The following GMDS variants were observed in gnomAD, a reference collection of about 807,000 sequenced individuals.
The protein encoded by GMDS is GDP-mannose 4,6 dehydratase.
A neutral mutation model predicts 49.9 loss-of-function variants in GMDS; 20 were observed. That is an observed-to-expected ratio of 0.40 (90% CI 0.28 to 0.58). The LOEUF is 0.58. Among genes scored for constraint, GMDS ranks in the 20% least tolerant of loss-of-function variants. The pLI is 0.42. For missense variants in GMDS, 362 were observed against 481.4 expected, an observed-to-expected ratio of 0.75 and a Z score of 2.32; for synonymous variants, 177 against 178.6, an observed-to-expected ratio of 0.99 and a Z score of 0.07.
At chr6:2,108,150 C>A (rs909395683) in intron 4 of GMDS, among the ~76,000 whole-genome samples, 2 of 152,040 alleles carry the variant, frequency 1.3e-5, no homozygotes, top group Admixed American at 1.3e-4. Flanking sequence ...ATTTTCAGTG[C>A]TAAAGCAGAA....
intron 9 of GMDS, among the ~76,000 whole-genome samples, chr6:1,712,132 T>C (rs1037729019): frequency 1.9e-4 from 29 of 152,238 alleles, no homozygotes; most frequent in African/African-American, 5.8e-4. Flanking sequence ...TAGAAGATGC[T>C]GGAAAATTCA....
At chr6:1,950,730 G>C (rs1763296699) in intron 6 of GMDS, among the ~76,000 whole-genome samples, 1 of 152,214 alleles carries the variant, frequency 6.6e-6, no homozygotes, top group Admixed American at 6.5e-5. Flanking sequence ...CGAAAAATGA[G>C]ATGGCATTCA....
chr6:2,007,920 G>A (rs1371242495), intron 4 of GMDS, among the ~76,000 whole-genome samples: 1 of 152,124 alleles, frequency 6.6e-6, no homozygotes, highest in Admixed American at 6.5e-5. Flanking sequence ...TTTTTCTTGA[G>A]TATTTGGTTC....
At chr6:2,023,122 A>C (rs1383510427) in intron 4 of GMDS, among the ~76,000 whole-genome samples, 1 of 152,214 alleles carries the variant, frequency 6.6e-6, no homozygotes, top group East Asian at 1.9e-4. Flanking sequence ...TTTTTCAAAT[A>C]GCTGGCTTGA....
intron 9 of GMDS, among the ~76,000 whole-genome samples, chr6:1,631,737 C>A (rs1359783082): frequency 6.6e-6 from 1 of 152,090 alleles, no homozygotes; most frequent in Non-Finnish European, 1.5e-5. Context: ...CAAACATATA[C>A]CCACAGGCTC....
At chr6:2,236,732 T>G (rs530319643) in intron 1 of GMDS, among the ~76,000 whole-genome samples, 13 of 152,356 alleles carry the variant, frequency 8.5e-5, no homozygotes, top group Admixed American at 1.3e-4. Context: ...AGAAAAATCA[T>G]GTTTTGATTT....
intron 8 of GMDS, among the ~76,000 whole-genome samples, chr6:1,740,987 A>AT (rs1282709673): frequency 2.6e-5 from 4 of 152,212 alleles, no homozygotes; most frequent in African/African-American, 9.6e-5. Context: ...TTGAGACAAA[A>AT]TGTTCACAAA....
intron 9 of GMDS, among the ~76,000 whole-genome samples, chr6:1,632,712 AC>A (rs1763032608): frequency 6.6e-6 from 1 of 152,182 alleles, no homozygotes; most frequent in Non-Finnish European, 1.5e-5. Flanking sequence ...CCCTGTCTCT[AC>A]AAAAAACTTT....
intron 8 of GMDS, among the ~76,000 whole-genome samples, chr6:1,735,480 G>A (rs1442166246): frequency 1.3e-5 from 2 of 152,216 alleles, no homozygotes; most frequent in Admixed American, 6.5e-5. Context: ...TTGGTCAGAG[G>A]GAGGATGCCT....
At chr6:1,641,544 G>C (rs537085201) in intron 9 of GMDS, among the ~76,000 whole-genome samples, 1 of 152,252 alleles carries the variant, frequency 6.6e-6, no homozygotes, top group Non-Finnish European at 1.5e-5. Context: ...ATCTTTATCA[G>C]GTGACTCAGT....
At position 1,726,410 on chromosome 6, in the gene GMDS, C is replaced by A. The variant is rs1356350866; in HGVS notation, c.987+6G>T. 6.2e-7 allele frequency: 1 copy of A among 1,602,498 alleles called. No homozygotes were observed. The highest frequency in any genetic ancestry group is 8.6e-7 in the Non-Finnish European group (1 of 1,169,456). ...GCCACGCACTGGGTGGCCAGAGAGTCCTTACCACTTCAGTTGGCCGGTAGT... is the reference window on the plus strand; with the variant it reads ...GCCACGCACTGGGTGGCCAGAGAGTACTTACCACTTCAGTTGGCCGGTAGT... On this transcript the variant is annotated splice_donor_region_variant and intron_variant, in intron 9 of 10. Transcript: ENST00000380815.
At chr6:2,134,385 A>C (rs1775889052) in intron 1 of GMDS, among the ~76,000 whole-genome samples, 1 of 152,174 alleles carries the variant, frequency 6.6e-6, no homozygotes, top group Non-Finnish European at 1.5e-5. Context: ...TCAAGATTCC[A>C]CTGAAAAAGA....
intron 1 of GMDS, among the ~76,000 whole-genome samples, chr6:2,232,236 A>G (rs1464667035): frequency 6.6e-6 from 1 of 152,066 alleles, no homozygotes; most frequent in Non-Finnish European, 1.5e-5. Flanking sequence ...CCTAGCCACC[A>G]TATATCAATC....
intron 4 of GMDS, among the ~76,000 whole-genome samples, chr6:2,013,226 G>A (rs978366806): frequency 1.2e-4 from 19 of 152,182 alleles, no homozygotes; most frequent in African/African-American, 4.6e-4. Flanking sequence ...AGACAAGAGA[G>A]TGAAGAAACA....
rs34633662 is a variant in GMDS, at chr6:1,833,126, CTTTTT to C, written c.772-90545_772-90541del. Among the ~76,000 whole-genome samples, 1 of 123,394 alleles carries C rather than the reference CTTTTT, an allele frequency of 8.1e-6. No homozygotes were observed. The allele number at this position is 123,394 out of a possible 152,430, so 81.0% of individuals were successfully genotyped here. The stretch of plus-strand genomic sequence containing the variant: ...ACCCGGCAGTGGAGCGTATGAAAGC[CTTTTT>C]TTTTTTTTTTTTTTTTTTAAACTAA... On this transcript the variant is annotated intron_variant, in intron 7 of 10. Coordinates refer to ENST00000380815, the MANE Select transcript of GMDS (RefSeq NM_001500.4). The surrounding 1 kb of genome is among the most constrained non-coding windows in gnomAD (Gnocchi z 4.4).
rs1054167136 is a variant in GMDS at position 1,889,417 on chromosome 6, G to A, written c.771+40686C>T. Among the ~76,000 whole-genome samples the A allele has an allele frequency of 4.6e-5, 7 of 151,868 alleles. 1 individual carries two copies. Among genetic ancestry groups the A allele is most frequent in the South Asian group, 4.1e-4 (2 of 4,820 alleles). On this transcript the variant is annotated intron_variant, in intron 7 of 10. Transcript: ENST00000380815. ...CTTCTTGGTCCTTAAAAAAAGAGCC[G>A]TGCTCCCAGGTTCTGCATTCCAACA...
chr6:2,064,123 C>A (rs1051573371), intron 4 of GMDS, among the ~76,000 whole-genome samples: 9 of 152,118 alleles, frequency 5.9e-5, no homozygotes, highest in Non-Finnish European at 1.3e-4. Context: ...CCCAATAAAA[C>A]GGCTTTCAGA....
rs530773334 is a variant in GMDS, at chr6:1,736,360, GAGA to G, written c.890+6105_890+6107del. On this transcript the variant is annotated intron_variant, in intron 8 of 10. Coordinates refer to ENST00000380815, the MANE Select transcript of GMDS (RefSeq NM_001500.4). Reference sequence around the variant, plus strand: ...GAGAGGAAGAAAGCGAGAAGAAAAAGAGAAGAAGACCTCATTTAAATGGTAACT... The same window carrying G: ...GAGAGGAAGAAAGCGAGAAGAAAAAGAGAAGACCTCATTTAAATGGTAACT... 3.5e-3 allele frequency among the ~76,000 whole-genome samples: 537 copies of G among 152,294 alleles called. 1 individual carries two copies. Among genetic ancestry groups the G allele is most frequent in the South Asian group, 6.6e-3 (32 of 4,830 alleles).
intron 4 of GMDS, among the ~76,000 whole-genome samples, chr6:1,979,319 C>G (rs942536149): frequency 6.6e-6 from 1 of 152,090 alleles, no homozygotes; most frequent in Non-Finnish European, 1.5e-5. Flanking sequence ...AGCTGACAGC[C>G]AAAATAGCCA....
Sources: gnomAD v4.1 joint callset for allele counts (sites outside exome capture counted in the v4.1 genomes callset) on GRCh38, gnomAD v4.1.1 for gene constraint, Gnocchi (gnomAD v3.1) non-coding constraint, MANE v1.5 for transcripts, NCBI Gene and HGNC (gene_info 2026-07-23, HGNC 2026-07-21) for gene names.